Variants in ACVR1 observed in about 807,000 individuals in gnomAD.
The protein encoded by ACVR1 is activin A receptor type 1.
Under a neutral mutation model 57.1 loss-of-function variants are expected in ACVR1, and 38 were observed. The observed-to-expected ratio is 0.67, with a 90% CI of 0.51 to 0.87. The LOEUF (loss-of-function observed/expected upper bound fraction) is 0.87, where lower values mean the gene tolerates loss of function less well. Ranked by LOEUF, ACVR1 falls within the 40% of genes least tolerant of loss-of-function variation. The pLI is 0.00. For missense variants in ACVR1, 463 were observed against 638.2 expected (o/e 0.73, Z 2.96); for synonymous variants, 212 against 228.1 (o/e 0.93, Z 0.63).
rs373892672 is a variant in ACVR1 at position 157,825,743 on chromosome 2, AC to A, written c.-182-7185del. On this transcript the variant is annotated intron_variant, in intron 1 of 10. Transcript: ENST00000434821. ...GAAATCAGTCTGCTGTCCTGGGCTA[AC>A]CCCAAGTAGCTTTAATCCAGCTATA... is the stretch of plus-strand genomic sequence containing the variant. Among the ~76,000 whole-genome samples, 495 of 152,340 alleles carry A rather than the reference AC, an allele frequency of 3.2e-3. 2 individuals are homozygous for A. The highest frequency in any genetic ancestry group is 0.011 in the African/African-American group (468 of 41,576).
intron 9 of ACVR1, among the ~76,000 whole-genome samples, chr2:157,754,757 T>C (rs1184276197): frequency 6.6e-6 from 1 of 152,172 alleles, no homozygotes; most frequent in African/African-American, 2.4e-5. Context: ...TAAATCATTC[T>C]ATAAAGCCAG....
intron 1 of ACVR1, among the ~76,000 whole-genome samples, chr2:157,872,677 C>T (rs1435901521): frequency 6.6e-6 from 1 of 152,176 alleles, no homozygotes; most frequent in African/African-American, 2.4e-5. Context: ...GTGCCCACTG[C>T]AAACAAGGCA....
At chr2:157,855,737 G>A (rs1459970291) in intron 1 of ACVR1, among the ~76,000 whole-genome samples, 1 of 152,064 alleles carries the variant, frequency 6.6e-6, no homozygotes, top group Non-Finnish European at 1.5e-5. Context: ...TGCCTCAAAT[G>A]CCAGTGGTCA....
chr2:157,755,768 C>A (rs1685402593), intron 9 of ACVR1, among the ~76,000 whole-genome samples: 1 of 151,910 alleles, frequency 6.6e-6, no homozygotes, highest in South Asian at 2.1e-4. Flanking sequence ...CAATGAAATT[C>A]CCATAAAAAT....
chr2:157,748,522 C>G (rs555169226), intron 9 of ACVR1, among the ~76,000 whole-genome samples: 1 of 151,912 alleles, frequency 6.6e-6, no homozygotes, highest in South Asian at 2.1e-4. Context: ...ATCTGCAAAA[C>G]AATTTCTCTG....
rs142397957 is a variant in ACVR1 at position 157,848,403 on chromosome 2, C to A, written c.-183+27393G>T. 7.0e-4 allele frequency among the ~76,000 whole-genome samples: 107 copies of A among 152,328 alleles called. 1 individual carries two copies. Among genetic ancestry groups the A allele is most frequent in the Non-Finnish European group, 1.4e-3 (96 of 68,022 alleles). ...GACCACATGTAGGTGTTTCAGCTGA[C>A]AGCCCCAGCTGAGCTCCCAGCCAAC... On this transcript the variant is annotated intron_variant, in intron 1 of 10. Coordinates refer to ENST00000434821, the MANE Select transcript of ACVR1 (RefSeq NM_001111067.4).
At chr2:157,752,491 GA>G (rs1168150947) in intron 9 of ACVR1, among the ~76,000 whole-genome samples, 1 of 152,180 alleles carries the variant, frequency 6.6e-6, no homozygotes, top group Non-Finnish European at 1.5e-5. Flanking sequence ...AAAGAATTCA[GA>G]AGGTCGTTTA....
intron 1 of ACVR1, among the ~76,000 whole-genome samples, chr2:157,865,808 A>AAC (rs1491012687): frequency 2.1e-5 from 3 of 139,850 alleles, no homozygotes; most frequent in African/African-American, 8.1e-5. Context: ...AAAAAAAAAA[A>AAC]AGAAAAAGAA....
At chr2:157,808,401 C>T (rs1687634928) in intron 2 of ACVR1, among the ~76,000 whole-genome samples, 1 of 152,202 alleles carries the variant, frequency 6.6e-6, no homozygotes, top group East Asian at 1.9e-4. Flanking sequence ...AAATGGGGGG[C>T]AGGGGTGGGT....
chr2:157,812,728 T>A (rs1336613177), intron 2 of ACVR1, among the ~76,000 whole-genome samples: 1 of 152,194 alleles, frequency 6.6e-6, no homozygotes, highest in Non-Finnish European at 1.5e-5. Flanking sequence ...TTCTGAAATA[T>A]CAACTCTTCC....
chr2:157,748,333 ATTTGGGGC>A (rs1685049942), intron 9 of ACVR1, among the ~76,000 whole-genome samples: 1 of 152,142 alleles, frequency 6.6e-6, no homozygotes, highest in Non-Finnish European at 1.5e-5. Flanking sequence ...CTTCCTCTTC[ATTTGGGGC>A]AAGTTCCACA....
intron 2 of ACVR1, among the ~76,000 whole-genome samples, chr2:157,807,705 C>G (rs1687600400): frequency 6.6e-6 from 1 of 152,086 alleles, no homozygotes. Context: ...TCCTCTGTCT[C>G]ATTTCTAGCT....
At chr2:157,848,280 T>C (rs932060623) in intron 1 of ACVR1, among the ~76,000 whole-genome samples, 74 of 152,142 alleles carry the variant, frequency 4.9e-4, no homozygotes, top group African/African-American at 1.7e-3. Context: ...AACCAGATCT[T>C]AAGAAACTGG....
intron 2 of ACVR1, among the ~76,000 whole-genome samples, chr2:157,818,037 T>A: frequency 6.7e-6 from 1 of 149,824 alleles, no homozygotes; most frequent in Admixed American, 6.7e-5. Context: ...AAAAACTTAA[T>A]GTAGTGGCCC....
At chr2:157,778,877 C>T (rs1013287237) in intron 4 of ACVR1, among the ~76,000 whole-genome samples, 1 of 152,182 alleles carries the variant, frequency 6.6e-6, no homozygotes, top group Non-Finnish European at 1.5e-5. Flanking sequence ...CACTGATTCA[C>T]TCCCTGGGTT....
intron 3 of ACVR1, among the ~76,000 whole-genome samples, chr2:157,797,546 A>AT (rs1365452912): frequency 6.6e-6 from 1 of 152,210 alleles, no homozygotes; most frequent in Non-Finnish European, 1.5e-5. Context: ...CTAGAAAGAT[A>AT]TATAACAACA....
chr2:157,749,660 A>T (rs1685104525), intron 9 of ACVR1, among the ~76,000 whole-genome samples: 1 of 152,202 alleles, frequency 6.6e-6, no homozygotes, highest in South Asian at 2.1e-4. Context: ...CAAGAATGAA[A>T]TACGGACCAG....
chr2:157,814,289 AT>A (rs1687856412), intron 2 of ACVR1, among the ~76,000 whole-genome samples: 1 of 152,268 alleles, frequency 6.6e-6, no homozygotes. Flanking sequence ...GATAATAAAA[AT>A]CATAACCAAA....
chr2:157,741,706 GA>G (rs1423343090), intron 9 of ACVR1, among the ~76,000 whole-genome samples: 2 of 151,622 alleles, frequency 1.3e-5, no homozygotes, highest in African/African-American at 4.8e-5. Context: ...AAAGGTGAAA[GA>G]AAAAAAATTA....
Sources: gnomAD v4.1 joint callset for allele counts (sites outside exome capture counted in the v4.1 genomes callset) on GRCh38, gnomAD v4.1.1 for gene constraint, MANE v1.5 for transcripts, NCBI Gene and HGNC (gene_info 2026-07-23, HGNC 2026-07-21) for gene names.